COPS7A: variants seen among roughly 807,000 people sequenced by gnomAD.
COPS7A encodes the protein COP9 signalosome complex subunit 7a.
In COPS7A, 20 loss-of-function variants were observed where a neutral mutation model predicts 35.2. That is an observed-to-expected ratio of 0.57 (90% CI 0.40 to 0.83). COPS7A has a LOEUF of 0.83. Ranked by LOEUF, COPS7A falls within the 40% of genes least tolerant of loss-of-function variation. The pLI, the probability that COPS7A is intolerant of heterozygous loss-of-function variation, is 0.00. For synonymous variants in COPS7A, 139 were observed against 141.4 expected, an observed-to-expected ratio of 0.98 and a Z score of 0.12; for missense variants, 247 against 347.5, an observed-to-expected ratio of 0.71 and a Z score of 2.30.
At chr12:6,726,602 C>CA (rs374195335) in intron 2 of COPS7A, among the ~76,000 whole-genome samples, 27 of 137,860 alleles carry the variant, frequency 2.0e-4, no homozygotes, top group Admixed American at 3.7e-4. Flanking sequence ...GACTCTGTCT[C>CA]AAAAAAAAAA....
At position 6,731,060 on chromosome 12, in the gene COPS7A, T is replaced by C; in HGVS notation, c.*21T>C. On this transcript the variant is annotated 3_prime_UTR_variant, in exon 8 of 8. Transcript: ENST00000543155. ...ATTGAAAGGACTGTCGTTTCCTCCC[T>C]GGGGATGTGGGGTCCCAGCTGCCTG... 2 of 1,614,040 alleles carry C rather than the reference T, an allele frequency of 1.2e-6. No individual in the cohort carries two copies. Among genetic ancestry groups the C allele is most frequent in the South Asian group, 1.1e-5 (1 of 91,076 alleles).
rs758142852 is a variant in COPS7A, at chr12:6,731,138, A to T, written c.*99A>T. Reference sequence around the variant, plus strand: ...CTTCTGTGCCCCTGGCCAGCTGATAATCCTAGGTTCATGACCCTTCACCTC... The same window carrying T: ...CTTCTGTGCCCCTGGCCAGCTGATATTCCTAGGTTCATGACCCTTCACCTC... On this transcript the variant is annotated 3_prime_UTR_variant, in exon 8 of 8. Transcript: ENST00000543155. The T allele has an allele frequency of 6.2e-7, 1 of 1,610,344 alleles. No homozygotes were observed. Among genetic ancestry groups the T allele is most frequent in the Non-Finnish European group, 8.5e-7 (1 of 1,178,578 alleles).
intron 2 of COPS7A, among the ~76,000 whole-genome samples, chr12:6,727,092 T>G (rs2137750305): frequency 6.6e-6 from 1 of 152,206 alleles, no homozygotes; most frequent in African/African-American, 2.4e-5. Flanking sequence ...ATCCCAGCAC[T>G]TTGGGAGGCC....
At position 6,729,625 on chromosome 12, in the gene COPS7A, G is replaced by A. The variant is rs1941342584; in HGVS notation, c.530+176G>A. ...GAATGCAGGAGTAGGGGAGGCCCTG[G>A]GAGGCGGCAGAAGTCAGTGTCCTTG... On this transcript the variant is annotated intron_variant, in intron 5 of 7. Coordinates refer to ENST00000543155, the MANE Select transcript of COPS7A (RefSeq NM_001164094.2). This position sits in a 1 kb window ranked among gnomAD's most constrained non-coding sequence, Gnocchi z 4.2. Among the ~76,000 whole-genome samples the A allele has an allele frequency of 6.6e-6, 1 of 152,162 alleles. No homozygotes were observed. Among genetic ancestry groups the A allele is most frequent in the South Asian group, 2.1e-4 (1 of 4,834 alleles).
chr12:6,729,330 T>C lies in COPS7A; in HGVS notation c.411T>C (p.Tyr137=). The C allele has an allele frequency of 6.2e-7, 1 of 1,614,164 alleles. No individual in the cohort carries two copies. Among genetic ancestry groups the C allele is most frequent in the South Asian group, 1.1e-5 (1 of 91,082 alleles). ...AAGACCTTGTGATTGAGGCTGTGTA[T>C]GCTGACGTGCTTCGTGGCTCCCTGG... ...QLEDLVIEAV[Y]ADVLRGSLDQ... The change falls in exon 5 of 8, where the codon TAT becomes TAC. Residue 137 remains tyrosine (Y), a synonymous_variant. Transcript: ENST00000543155. This position sits in a 1 kb window ranked among gnomAD's most constrained non-coding sequence, Gnocchi z 4.2.
chr12:6,727,874 G>A, intron 2 of COPS7A, 52 bp from the exon 3 acceptor site: 1 of 1,560,510 alleles, frequency 6.4e-7, no homozygotes, highest in Non-Finnish European at 8.8e-7. Context: ...GTAAGGCTGG[G>A]AGGGTGGAGA....
Position 6,731,057 on chromosome 12 carries a change from C to G in COPS7A, c.*18C>G, listed in dbSNP as rs749656456. On this transcript the variant is annotated 3_prime_UTR_variant, in exon 8 of 8. Coordinates refer to ENST00000543155, the MANE Select transcript of COPS7A (RefSeq NM_001164094.2). ...CGAATTGAAAGGACTGTCGTTTCCT[C>G]CCTGGGGATGTGGGGTCCCAGCTGC... 1 of 1,614,054 alleles carries G rather than the reference C, an allele frequency of 6.2e-7. No individual in the cohort carries two copies. Among genetic ancestry groups the G allele is most frequent in the Non-Finnish European group, 8.5e-7 (1 of 1,179,980 alleles).
rs1941371995 is a variant in COPS7A, at chr12:6,730,764, A to G, written c.732A>G (p.Glu244=). The G allele has an allele frequency of 6.2e-7, 1 of 1,614,086 alleles. No individual in the cohort carries two copies. Among genetic ancestry groups the G allele is most frequent in the South Asian group, 1.1e-5 (1 of 91,090 alleles). ...DPEQHLTELR[E]PAPGTNQRQP... The stretch of plus-strand genomic sequence containing the variant: ...AGCAACACCTGACTGAGCTGAGGGA[A>G]CCAGCTCCTGGCACCAACCAGCGCC... The change falls in exon 7 of 8, where the codon GAA becomes GAG. Residue 244 remains glutamate, a synonymous_variant. Transcript: ENST00000543155.
intron 7 of COPS7A, 50 bp downstream of exon 7, chr12:6,730,870 C>A (rs1303565821): frequency 2.5e-6 from 4 of 1,606,308 alleles, no homozygotes; most frequent in Non-Finnish European, 2.6e-6. Context: ...CCTGCTTTTA[C>A]CCCAGGGACC....
At chr12:6,728,386 C>A (rs986511446) in intron 4 of COPS7A, 75 bp downstream of exon 4, 16 of 1,309,530 alleles carry the variant, frequency 1.2e-5, no homozygotes, top group Non-Finnish European at 1.6e-5. Flanking sequence ...CTAGGACAGC[C>A]CTTGTCTAGA....
Position 6,731,346 on chromosome 12 carries a change from T to G in COPS7A, c.*307T>G. On this transcript the variant is annotated 3_prime_UTR_variant, in exon 8 of 8. Transcript: ENST00000543155. ...TGTTCATTACATGTCATTGAGTAGGTGGGTAGCCCTGATGGGGGTCGCTCT... is the reference window on the plus strand; with the variant it reads ...TGTTCATTACATGTCATTGAGTAGGGGGGTAGCCCTGATGGGGGTCGCTCT... The G allele has an allele frequency of 7.1e-7, 1 of 1,403,724 alleles. No homozygotes were observed. Among genetic ancestry groups the G allele is most frequent in the Non-Finnish European group, 9.2e-7 (1 of 1,082,306 alleles). The allele number at this position is 1,403,724 out of a possible 1,614,324, so 87.0% of individuals were successfully genotyped here.
In COPS7A at chr12:6,729,114, C is replaced by CT; in HGVS notation, c.328-131dup. Reference sequence around the variant, plus strand: ...ATTTATTTTGCTTTAGAACCAGCCTCTTAGAGGAAGTGATTTAGGAATGGG... The same window carrying CT: ...ATTTATTTTGCTTTAGAACCAGCCTCTTTAGAGGAAGTGATTTAGGAATGGG... On this transcript the variant is annotated intron_variant, in intron 4 of 7. Transcript: ENST00000543155. The surrounding 1 kb of genome is among the most constrained non-coding windows in gnomAD (Gnocchi z 4.2). 1.2e-6 allele frequency: 1 copy of CT among 801,324 alleles called. No homozygotes were observed. The highest frequency in any genetic ancestry group is 2.1e-6 in the Non-Finnish European group (1 of 482,484). The allele number at this position is 801,324 out of a possible 1,614,324, so 49.6% of individuals were successfully genotyped here.
At chr12:6,728,808 A>G (rs1318292942) in intron 4 of COPS7A, among the ~76,000 whole-genome samples, 1 of 152,164 alleles carries the variant, frequency 6.6e-6, no homozygotes, top group Non-Finnish European at 1.5e-5. Context: ...CAGGCTCTCT[A>G]TTGAGAGATA....
chr12:6,728,980 C>T, intron 4 of COPS7A: 1 of 473,738 alleles, frequency 2.1e-6, no homozygotes, highest in South Asian at 2.1e-5. Context: ...AGGCAGATGT[C>T]ATTTTCTCCT....
chr12:6,729,542 A>C lies in COPS7A; in HGVS notation c.530+93A>C. On this transcript the variant is annotated intron_variant, in intron 5 of 7. Transcript: ENST00000543155. The surrounding 1 kb of genome is among the most constrained non-coding windows in gnomAD (Gnocchi z 4.2). ...GAGGGCAGGAGCTGGGCTGGTCCGC[A>C]GAGGTGGAACCCAAGAGGATGAAGG... 1.5e-6 allele frequency: 2 copies of C among 1,324,408 alleles called. No homozygotes were observed. Among genetic ancestry groups the C allele is most frequent in the Non-Finnish European group, 2.1e-6 (2 of 961,362 alleles). The allele number at this position is 1,324,408 out of a possible 1,614,324, so 82.0% of individuals were successfully genotyped here. A position where few individuals can be genotyped will look rare whatever the true frequency, so the allele number is the denominator to read the frequency against.
In COPS7A at chr12:6,731,177, C is replaced by G; in HGVS notation, c.*138C>G. 6.4e-7 allele frequency: 1 copy of G among 1,562,664 alleles called. No homozygotes were observed. The highest frequency in any genetic ancestry group is 8.7e-7 in the Non-Finnish European group (1 of 1,152,108). ...ACCCTTCACCTCCCCTAACCCCAAA[C>G]ATAGATCACACCTTCTCTAGGGAGG... On this transcript the variant is annotated 3_prime_UTR_variant, in exon 8 of 8. Transcript: ENST00000543155.
Position 6,730,497 on chromosome 12 carries a change from T to C in COPS7A, c.626T>C (p.Ile209Thr). ...KEQQLGLKQQ[I>T]ESEVANLKKT... ...CAGCAGCTGGGCCTGAAGCAGCAGA[T>C]TGAGAGTGAGGTGAGCAGTCAGGGG... Residue 209 changes from isoleucine (I) to threonine (T), a missense_variant, in exon 6 of 8, where the codon ATT becomes ACT. Coordinates refer to ENST00000543155, the MANE Select transcript of COPS7A (RefSeq NM_001164094.2). 1 of 1,613,856 alleles carries C rather than the reference T, an allele frequency of 6.2e-7. No individual in the cohort carries two copies. The highest frequency in any genetic ancestry group is 8.5e-7 in the Non-Finnish European group (1 of 1,179,952).
rs76197373 is a variant in COPS7A, at chr12:6,725,058, T to G, written c.162+240T>G. ...AAGCAAAAGAGCATCCTATTCAGAA[T>G]AGGAAACCTGATTTCCAGCCGGTCT... On this transcript the variant is annotated intron_variant, in intron 2 of 7. Coordinates refer to ENST00000543155, the MANE Select transcript of COPS7A (RefSeq NM_001164094.2). Among the ~76,000 whole-genome samples the G allele has an allele frequency of 3.0e-3, 453 of 152,278 alleles. 10 individuals carry two copies. The East Asian group carries it at 0.081, about 27-fold the overall frequency.
rs1023271179 is a variant in COPS7A at position 6,728,231 on chromosome 12, C to G, written c.247C>G (p.Arg83Gly). ...GTYADYLAEA[R>G]NLPPLTEAQK... ...TTGTCGTTTTTCCCTAGCTGAAGCC[C>G]GGAATCTTCCTCCACTAACAGAGGC... The change falls in exon 4 of 8, where the codon CGG (arginine) becomes GGG (glycine). Residue 83 changes from arginine (R) to glycine (G), a missense_variant. Transcript: ENST00000543155. 3.1e-6 allele frequency: 5 copies of G among 1,614,030 alleles called. No individual in the cohort carries two copies. Among genetic ancestry groups the G allele is most frequent in the Non-Finnish European group, 4.2e-6 (5 of 1,179,972 alleles).
Sources: allele counts gnomAD v4.1 joint callset (sites outside exome capture counted in the v4.1 genomes callset), GRCh38; gene constraint gnomAD v4.1.1; non-coding constraint Gnocchi (gnomAD v3.1); transcripts MANE v1.5; gene names NCBI Gene and HGNC (gene_info 2026-07-23, HGNC 2026-07-21).